SUGCT: variants seen among roughly 807,000 people sequenced by gnomAD.
SUGCT encodes succinyl-CoA:glutarate-CoA transferase, also known as succinyl-CoA:glutarate CoA-transferase.
In SUGCT, 41 loss-of-function variants were observed where a neutral mutation model predicts 55.0. The ratio of observed to expected loss-of-function variants is 0.74; its 90% CI spans 0.58 to 0.97. The LOEUF (loss-of-function observed/expected upper bound fraction) is 0.97, where lower values mean the gene tolerates loss of function less well. Ranked by LOEUF, SUGCT falls within the 50% of genes least tolerant of loss-of-function variation. The pLI is 0.00. For missense variants in SUGCT, 568 were observed against 547.8 expected (o/e 1.04, Z -0.37); for synonymous variants, 187 against 200.4 (o/e 0.93, Z 0.56).
At chr7:40,428,688 A>G (rs1583656499) in intron 9 of SUGCT, among the ~76,000 whole-genome samples, 1 of 152,180 alleles carries the variant, frequency 6.6e-6, no homozygotes, top group Non-Finnish European at 1.5e-5. Context: ...TATACTGTGT[A>G]TCCATTAACC....
At chr7:40,147,302 C>G (rs1361052704) in intron 1 of SUGCT, among the ~76,000 whole-genome samples, 1 of 152,140 alleles carries the variant, frequency 6.6e-6, no homozygotes, top group Non-Finnish European at 1.5e-5. Context: ...TTTCTTACCT[C>G]TTTTTGAGGT....
chr7:40,964,322 T>A, the SUGCT span, among the ~76,000 whole-genome samples: 2 of 152,226 alleles, frequency 1.3e-5, no homozygotes, highest in Admixed American at 6.5e-5. Flanking sequence ...TGCTGAAATT[T>A]AAACTTAATT....
chr7:40,928,953 C>G, the SUGCT span, among the ~76,000 whole-genome samples: 1 of 151,982 alleles, frequency 6.6e-6, no homozygotes, highest in African/African-American at 2.4e-5. Context: ...TAAAATTGTA[C>G]TTTAAGTTCT....
At chr7:40,534,240 G>T (rs1460501488) in intron 12 of SUGCT, among the ~76,000 whole-genome samples, 1 of 152,142 alleles carries the variant, frequency 6.6e-6, no homozygotes, top group African/African-American at 2.4e-5. Context: ...TTTGTGGTGT[G>T]CTATTAGTTG....
intron 12 of SUGCT, among the ~76,000 whole-genome samples, chr7:40,624,072 G>T (rs1799402410): frequency 6.6e-6 from 1 of 152,196 alleles, no homozygotes; most frequent in Non-Finnish European, 1.5e-5. Context: ...TCTGTTGTGT[G>T]TCATATGTCA....
At chr7:40,301,746 C>T in intron 8 of SUGCT, among the ~76,000 whole-genome samples, 1 of 152,176 alleles carries the variant, frequency 6.6e-6, no homozygotes, top group Non-Finnish European at 1.5e-5. Context: ...TCAGATTCAC[C>T]ATTACATTCT....
At chr7:40,371,260 A>G (rs185272250) in intron 9 of SUGCT, among the ~76,000 whole-genome samples, 3 of 152,292 alleles carry the variant, frequency 2.0e-5, no homozygotes, top group Admixed American at 2.0e-4. Context: ...TACAAAAGTT[A>G]AATAGTGCAC....
At chr7:40,846,782 C>T (rs138435447) in intron 13 of SUGCT, among the ~76,000 whole-genome samples, 3 of 152,268 alleles carry the variant, frequency 2.0e-5, no homozygotes, top group East Asian at 1.9e-4. Context: ...CCAGTGTTAA[C>T]GAGCACGCAC....
intron 1 of SUGCT, among the ~76,000 whole-genome samples, chr7:40,150,387 G>A (rs754470817): frequency 9.2e-5 from 14 of 152,134 alleles, no homozygotes; most frequent in Non-Finnish European, 1.8e-4. Context: ...CTGCTCGCTG[G>A]GCCGGGCACG....
chr7:40,245,424 T>TATATATATATATA (rs59609393), intron 7 of SUGCT, among the ~76,000 whole-genome samples: 31 of 11,556 alleles, frequency 2.7e-3, no homozygotes, highest in African/African-American at 3.1e-3. Flanking sequence ...TATATATATA[T>TATATATATATATA]TTTTTTTTTT....
At chr7:40,437,756 A>G (rs1257941234) in intron 9 of SUGCT, among the ~76,000 whole-genome samples, 1 of 152,104 alleles carries the variant, frequency 6.6e-6, no homozygotes, top group Non-Finnish European at 1.5e-5. Context: ...AAACATTCTC[A>G]TGGCGGTAAG....
rs1793833267 is a variant in SUGCT, at chr7:40,526,998, TA to T, written c.1089+30613del. Among the ~76,000 whole-genome samples, 3 of 152,196 alleles carry T rather than the reference TA, an allele frequency of 2.0e-5. 1 individual carries two copies. In the South Asian group the frequency reaches 6.2e-4, roughly 32 times the overall value. The stretch of plus-strand genomic sequence containing the variant: ...TTTTTTAAGCCATACTTTTCTTTCT[TA>T]CTTTTTTTTCAGTTCTCATTTAATT... On this transcript the variant is annotated intron_variant, in intron 12 of 13. Transcript: ENST00000335693.
the SUGCT span, among the ~76,000 whole-genome samples, chr7:40,865,929 C>G: frequency 4.6e-5 from 7 of 152,284 alleles, no homozygotes; most frequent in South Asian, 1.2e-3. Context: ...TTTGCCACAT[C>G]GCTCCCCATG....
At chr7:40,534,283 CATTGATCTT>C (rs1397841681) in intron 12 of SUGCT, among the ~76,000 whole-genome samples, 1 of 152,168 alleles carries the variant, frequency 6.6e-6, no homozygotes, top group Non-Finnish European at 1.5e-5. Context: ...ATTCTAAGGA[CATTGATCTT>C]ATTGATAGTG....
intron 12 of SUGCT, among the ~76,000 whole-genome samples, chr7:40,595,840 A>G (rs1295163911): frequency 1.3e-5 from 2 of 152,178 alleles, no homozygotes; most frequent in Non-Finnish European, 2.9e-5. Flanking sequence ...ATTTTGTATC[A>G]GTGGTTGACA....
the SUGCT span, among the ~76,000 whole-genome samples, chr7:41,007,359 G>A: frequency 2.0e-5 from 3 of 152,104 alleles, no homozygotes; most frequent in Admixed American, 6.5e-5. Context: ...ACAAGTCGAG[G>A]CCTCCTTAAT....
At chr7:40,522,730 G>A (rs1793604661) in intron 12 of SUGCT, among the ~76,000 whole-genome samples, 1 of 152,062 alleles carries the variant, frequency 6.6e-6, no homozygotes. Flanking sequence ...TAACTGTTGA[G>A]TAGACCTGTT....
At chr7:40,446,116 C>A (rs1258369233) in intron 9 of SUGCT, among the ~76,000 whole-genome samples, 1 of 151,980 alleles carries the variant, frequency 6.6e-6, no homozygotes, top group Non-Finnish European at 1.5e-5. Context: ...TATCTAGAAT[C>A]TTCTTAAAAA....
intron 8 of SUGCT, among the ~76,000 whole-genome samples, chr7:40,314,399 C>A (rs1795314862): frequency 6.6e-6 from 1 of 151,714 alleles, no homozygotes; most frequent in Non-Finnish European, 1.5e-5. Flanking sequence ...GCAACAGAGC[C>A]CCTTAGAGAG....
Sources: gnomAD v4.1 joint callset for allele counts (sites outside exome capture counted in the v4.1 genomes callset) on GRCh38, gnomAD v4.1.1 for gene constraint, MANE v1.5 for transcripts, NCBI Gene and HGNC (gene_info 2026-07-23, HGNC 2026-07-21) for gene names.